The following DOCK1 variants were observed in gnomAD, a reference collection of about 807,000 sequenced individuals.
DOCK1 encodes the protein dedicator of cytokinesis protein 1.
DOCK1 carries 138 observed loss-of-function variants against 262.7 expected under a neutral mutation model. That is an observed-to-expected ratio of 0.53 (90% CI 0.46 to 0.61). The LOEUF (loss-of-function observed/expected upper bound fraction) is 0.61, where lower values mean the gene tolerates loss of function less well. Among genes scored for constraint, DOCK1 ranks in the 20% least tolerant of loss-of-function variants. DOCK1 has a pLI of 0.00. For synonymous variants in DOCK1, 866 were observed against 867.4 expected, an observed-to-expected ratio of 1.00 and a Z score of 0.03; for missense variants, 1,908 against 2,370.7, an observed-to-expected ratio of 0.80 and a Z score of 4.05.
At chr10:127,188,949 G>A (rs189058815) in intron 27 of DOCK1, among the ~76,000 whole-genome samples, 1 of 152,206 alleles carries the variant, frequency 6.6e-6, no homozygotes, top group Non-Finnish European at 1.5e-5. Flanking sequence ...GGACAGCCTG[G>A]CCTGGAGCCT....
chr10:126,923,583 C>T (rs2033411811), intron 1 of DOCK1, among the ~76,000 whole-genome samples: 1 of 152,216 alleles, frequency 6.6e-6, no homozygotes, highest in Non-Finnish European at 1.5e-5. Flanking sequence ...GAGATGGCAC[C>T]ACTGCACTCC....
intron 29 of DOCK1, among the ~76,000 whole-genome samples, chr10:127,335,910 G>A (rs748932650): frequency 6.6e-6 from 1 of 151,906 alleles, no homozygotes; most frequent in Non-Finnish European, 1.5e-5. Flanking sequence ...TAGAGACGGG[G>A]TTTCACCATG....
rs1188725826 is a variant in DOCK1, at chr10:127,274,753, G to A, written c.3044+17324G>A. 2.6e-5 allele frequency among the ~76,000 whole-genome samples: 4 copies of A among 152,322 alleles called. 1 individual carries two copies. Among genetic ancestry groups the A allele is most frequent in the East Asian group, 1.9e-4 (1 of 5,174 alleles). Reference sequence around the variant, plus strand: ...TTCCCGAGCTCTGTTTTGGCCTAGCGCAGTGTTTCTCAACCCTGTTTATTT... The same window carrying A: ...TTCCCGAGCTCTGTTTTGGCCTAGCACAGTGTTTCTCAACCCTGTTTATTT... On this transcript the variant is annotated intron_variant, in intron 29 of 51. Transcript: ENST00000623213.
intron 23 of DOCK1, among the ~76,000 whole-genome samples, chr10:127,070,408 C>A (rs1169880681): frequency 6.6e-6 from 1 of 151,756 alleles, no homozygotes; most frequent in Admixed American, 6.6e-5. Flanking sequence ...CACCCACTAC[C>A]ACGCCAAGCT....
At chr10:127,323,445 G>A (rs148578938) in intron 29 of DOCK1, among the ~76,000 whole-genome samples, 8 of 152,306 alleles carry the variant, frequency 5.3e-5, no homozygotes, top group Admixed American at 1.3e-4. Context: ...AGGCAAAGGC[G>A]GGCCACTTAA....
At chr10:126,954,242 T>G (rs980779572) in intron 1 of DOCK1, among the ~76,000 whole-genome samples, 1 of 152,252 alleles carries the variant, frequency 6.6e-6, no homozygotes, top group Non-Finnish European at 1.5e-5. Context: ...GCAGCACTGC[T>G]GGAGAGGCCT....
intron 25 of DOCK1, among the ~76,000 whole-genome samples, chr10:127,113,836 G>GC (rs2049013181): frequency 6.6e-6 from 1 of 152,118 alleles, no homozygotes; most frequent in Non-Finnish European, 1.5e-5. Flanking sequence ...TTCTATCCAG[G>GC]CCCTCAAGGA....
chr10:127,137,553 T>G (rs2050807469), intron 27 of DOCK1: 1 of 316,564 alleles, frequency 3.2e-6, no homozygotes, highest in Non-Finnish European at 5.8e-6. Context: ...AGATCGGGGG[T>G]GGGGGAAAAT....
At chr10:127,363,015 A>ACACACGTACACATGCACATCCC (rs1565027520) in intron 33 of DOCK1, among the ~76,000 whole-genome samples, 53 of 35,186 alleles carry the variant, frequency 1.5e-3, no homozygotes, top group Middle Eastern at 0.016. Flanking sequence ...GCACATCCCC[A>ACACACGTACACATGCACATCCC]CACACACACA....
chr10:127,210,399 G>A (rs982201468), intron 27 of DOCK1, among the ~76,000 whole-genome samples: 1 of 152,210 alleles, frequency 6.6e-6, no homozygotes, highest in Non-Finnish European at 1.5e-5. Flanking sequence ...CGATGCCTGA[G>A]AATTTCTTCT....
intron 29 of DOCK1, among the ~76,000 whole-genome samples, chr10:127,294,706 C>T (rs1429851205): frequency 8.4e-5 from 12 of 143,468 alleles, no homozygotes; most frequent in East Asian, 2.1e-4. Context: ...TGGAGTGCAA[C>T]GGCGTGATCT....
At chr10:126,999,046 G>C (rs1327905400) in intron 8 of DOCK1, among the ~76,000 whole-genome samples, 1 of 151,920 alleles carries the variant, frequency 6.6e-6, no homozygotes, top group Non-Finnish European at 1.5e-5. Flanking sequence ...GCATTGTGCT[G>C]AATTTTATAG....
At chr10:127,356,122 C>T (rs1297256378) in intron 32 of DOCK1, among the ~76,000 whole-genome samples, 1 of 152,188 alleles carries the variant, frequency 6.6e-6, no homozygotes, top group Non-Finnish European at 1.5e-5. Context: ...CTCCTATGTC[C>T]AGAATCTGAG....
chr10:127,161,845 A>G (rs936971964), intron 27 of DOCK1, among the ~76,000 whole-genome samples: 5 of 152,240 alleles, frequency 3.3e-5, no homozygotes, highest in Non-Finnish European at 5.9e-5. Context: ...GGAATGATGA[A>G]TGAAGGAACA....
At chr10:127,329,398 G>C (rs908503902) in intron 29 of DOCK1, among the ~76,000 whole-genome samples, 6 of 152,040 alleles carry the variant, frequency 3.9e-5, no homozygotes, top group Admixed American at 1.3e-4. Flanking sequence ...GAGGTCTCTG[G>C]GGTGAGCAGA....
intron 23 of DOCK1, among the ~76,000 whole-genome samples, chr10:127,085,975 G>A (rs962457267): frequency 2.0e-5 from 3 of 152,176 alleles, no homozygotes; most frequent in African/African-American, 7.2e-5. Context: ...CCTTTTTAAA[G>A]CCTTTGGTGA....
At chr10:126,955,700 C>T (rs1010282721) in intron 1 of DOCK1, among the ~76,000 whole-genome samples, 6 of 152,206 alleles carry the variant, frequency 3.9e-5, no homozygotes, top group South Asian at 2.1e-4. Context: ...TCTTGGCTTC[C>T]GCTGTTTTAT....
chr10:127,336,717 T>A (rs1334774542), intron 29 of DOCK1, among the ~76,000 whole-genome samples: 2 of 152,012 alleles, frequency 1.3e-5, no homozygotes, highest in Admixed American at 6.6e-5. Flanking sequence ...TTTTTTGTAT[T>A]TTTAGTAGAA....
intron 10 of DOCK1, among the ~76,000 whole-genome samples, chr10:127,005,153 A>G (rs545162441): frequency 4.9e-4 from 75 of 152,136 alleles, no homozygotes; most frequent in African/African-American, 1.8e-3. Context: ...CCTGGGCAAT[A>G]TGGTGAAACC....
Sources: gnomAD v4.1 joint callset for allele counts (sites outside exome capture counted in the v4.1 genomes callset) on GRCh38, gnomAD v4.1.1 for gene constraint, MANE v1.5 for transcripts, NCBI Gene and HGNC (gene_info 2026-07-23, HGNC 2026-07-21) for gene names.